The following LDLRAD3 variants were observed in gnomAD, a reference collection of about 807,000 sequenced individuals.
LDLRAD3 encodes the protein low-density lipoprotein receptor class A domain-containing protein 3.
Under a neutral mutation model 29.4 loss-of-function variants are expected in LDLRAD3, and 20 were observed. The ratio of observed to expected loss-of-function variants is 0.68; its 90% CI spans 0.48 to 0.99. The LOEUF (loss-of-function observed/expected upper bound fraction) is 0.99. Ranked by LOEUF, LDLRAD3 falls within the 50% of genes least tolerant of loss-of-function variation. The pLI is 0.00. For missense variants in LDLRAD3, 420 were observed against 454.3 expected (o/e 0.92, Z 0.69); for synonymous variants, 157 against 192.7 (o/e 0.81, Z 1.53).
intron 4 of LDLRAD3, among the ~76,000 whole-genome samples, chr11:36,165,504 C>A (rs1854500433): frequency 6.6e-6 from 1 of 151,980 alleles, no homozygotes. Context: ...TTGATAGAAC[C>A]TTTTTTTCAT....
chr11:36,108,951 C>T (rs1198130050), intron 4 of LDLRAD3, among the ~76,000 whole-genome samples: 1 of 151,890 alleles, frequency 6.6e-6, no homozygotes, highest in Admixed American at 6.6e-5. Context: ...GAGGAAACAT[C>T]AGGGTAAGGG....
At chr11:36,161,775 T>A (rs1422793629) in intron 4 of LDLRAD3, among the ~76,000 whole-genome samples, 1 of 152,230 alleles carries the variant, frequency 6.6e-6, no homozygotes, top group Non-Finnish European at 1.5e-5. Context: ...GCTTACAAGA[T>A]GACTGAGAAC....
intron 4 of LDLRAD3, among the ~76,000 whole-genome samples, chr11:36,143,444 A>T (rs1351308885): frequency 6.6e-6 from 1 of 152,152 alleles, no homozygotes. Context: ...CCAAAAATAG[A>T]CTTGCCAAAA....
intron 4 of LDLRAD3, among the ~76,000 whole-genome samples, chr11:36,148,148 G>C (rs955876756): frequency 6.6e-6 from 1 of 152,166 alleles, no homozygotes; most frequent in Non-Finnish European, 1.5e-5. Flanking sequence ...GGGATTACAG[G>C]CGTGAGCCAC....
At chr11:36,124,826 G>A (rs1853812798) in intron 4 of LDLRAD3, among the ~76,000 whole-genome samples, 1 of 151,916 alleles carries the variant, frequency 6.6e-6, no homozygotes, top group Non-Finnish European at 1.5e-5. Flanking sequence ...CGAGTAGCTG[G>A]GATTACAGGC....
intron 1 of LDLRAD3, among the ~76,000 whole-genome samples, chr11:35,964,730 G>A (rs2133139481): frequency 6.6e-6 from 1 of 152,194 alleles, no homozygotes; most frequent in East Asian, 1.9e-4. Context: ...GCTCATGCCT[G>A]TAATCCTAGC....
At chr11:36,087,889 T>C (rs1853219183) in intron 3 of LDLRAD3, among the ~76,000 whole-genome samples, 1 of 152,030 alleles carries the variant, frequency 6.6e-6, no homozygotes, top group Admixed American at 6.6e-5. Flanking sequence ...AAATTTTTTG[T>C]CGTATTTTTA....
chr11:36,190,695 C>G lies in LDLRAD3; in HGVS notation c.455-36390C>G, dbSNP rs189448329. 5.3e-5 allele frequency among the ~76,000 whole-genome samples: 8 copies of G among 152,186 alleles called. No homozygotes were observed. The East Asian group carries it at 9.7e-4, about 18-fold the overall frequency. ...AGAAAATGCTCCCTGAACCAAAGAA[C>G]AGTGGTTTTCAGACAGAAAAGAGCC... On this transcript the variant is annotated intron_variant, in intron 4 of 5. Coordinates refer to ENST00000315571, the MANE Select transcript of LDLRAD3 (RefSeq NM_174902.4).
At chr11:36,191,391 A>ATT (rs1279836861) in intron 4 of LDLRAD3, among the ~76,000 whole-genome samples, 6 of 151,786 alleles carry the variant, frequency 4.0e-5, no homozygotes, top group Non-Finnish European at 8.8e-5. Context: ...ATTAAAAATT[A>ATT]TTATAGCTGG....
At chr11:36,037,497 T>C (rs1331420638) in intron 2 of LDLRAD3, among the ~76,000 whole-genome samples, 1 of 152,112 alleles carries the variant, frequency 6.6e-6, no homozygotes, top group Non-Finnish European at 1.5e-5. Context: ...GTATTTTTAT[T>C]AGAGACGGGG....
chr11:36,127,765 G>A (rs191782017), intron 4 of LDLRAD3, among the ~76,000 whole-genome samples: 11 of 152,248 alleles, frequency 7.2e-5, no homozygotes, highest in African/African-American at 2.6e-4. Context: ...AGGGCTCAGA[G>A]AGGTTAAGTG....
chr11:36,096,496 C>T (rs1853363501), intron 3 of LDLRAD3, among the ~76,000 whole-genome samples: 1 of 152,248 alleles, frequency 6.6e-6, no homozygotes, highest in Non-Finnish European at 1.5e-5. Flanking sequence ...GACCCCTCTT[C>T]ATCATTACAG....
intron 2 of LDLRAD3, among the ~76,000 whole-genome samples, chr11:36,053,623 C>T (rs7931250): frequency 0.08 from 12,151 of 152,246 alleles, 793 homozygotes; most frequent in African/African-American, 0.16. Context: ...AGCAACACTA[C>T]TGTTCTAACA....
At chr11:36,148,060 G>A (rs1054201654) in intron 4 of LDLRAD3, among the ~76,000 whole-genome samples, 26 of 151,924 alleles carry the variant, frequency 1.7e-4, no homozygotes, top group African/African-American at 4.4e-4. Flanking sequence ...TAGTAGAGAC[G>A]GGGTTTCACC....
At chr11:36,131,325 A>G (rs538729710) in intron 4 of LDLRAD3, among the ~76,000 whole-genome samples, 40 of 152,162 alleles carry the variant, frequency 2.6e-4, no homozygotes, top group Non-Finnish European at 4.7e-4. Context: ...CTTTCTCTCT[A>G]TGAGAATAAC....
In LDLRAD3 at chr11:36,046,907, A is replaced by G. The variant is rs540588888; in HGVS notation, c.193+10658A>G. Among the ~76,000 whole-genome samples, 32 of 152,320 alleles carry G rather than the reference A, an allele frequency of 2.1e-4. No individual in the cohort carries two copies. In the South Asian group the frequency reaches 6.4e-3, roughly 31 times the overall value. On this transcript the variant is annotated intron_variant, in intron 2 of 5. Transcript: ENST00000315571. ...AATGAGAAAATAAATAAATATATAT[A>G]TTTTAAAAGTCAGGTGGATGTACTC...
intron 4 of LDLRAD3, among the ~76,000 whole-genome samples, chr11:36,195,504 A>G (rs1309401382): frequency 6.6e-6 from 1 of 152,182 alleles, no homozygotes; most frequent in African/African-American, 2.4e-5. Flanking sequence ...CCCACCGTCT[A>G]ATTCCTTTTG....
At chr11:36,028,696 C>T (rs924864484) in intron 1 of LDLRAD3, among the ~76,000 whole-genome samples, 3 of 152,128 alleles carry the variant, frequency 2.0e-5, no homozygotes, top group African/African-American at 7.2e-5. Context: ...ACCTATATTA[C>T]AGAAAATTGT....
intron 2 of LDLRAD3, among the ~76,000 whole-genome samples, chr11:36,044,841 C>G (rs2133217765): frequency 6.6e-6 from 1 of 152,328 alleles, no homozygotes; most frequent in African/African-American, 2.4e-5. Context: ...CAGTGGGCGC[C>G]CACCCCCAGA....
Sources: allele counts gnomAD v4.1 joint callset (sites outside exome capture counted in the v4.1 genomes callset), GRCh38; gene constraint gnomAD v4.1.1; transcripts MANE v1.5; gene names NCBI Gene and HGNC (gene_info 2026-07-23, HGNC 2026-07-21).